Variants in GATAD2A observed in about 807,000 individuals in gnomAD.
GATAD2A encodes the protein GATA zinc finger domain containing 2A, also known as transcriptional repressor p66-alpha.
Under a neutral mutation model 68.5 loss-of-function variants are expected in GATAD2A, and 12 were observed. The ratio of observed to expected loss-of-function variants is 0.18; its 90% CI spans 0.11 to 0.28. GATAD2A has a LOEUF of 0.28. Among genes scored for constraint, GATAD2A ranks in the 10% least tolerant of loss-of-function variants. The pLI is 1.00. For missense variants in GATAD2A, 755 were observed against 868.5 expected (o/e 0.87, Z 1.64); for synonymous variants, 410 against 375.3 (o/e 1.09, Z -1.07).
chr19:19,408,571 T>C (rs960421047), intron 1 of GATAD2A, among the ~76,000 whole-genome samples: 1 of 152,214 alleles, frequency 6.6e-6, no homozygotes, highest in Non-Finnish European at 1.5e-5. Flanking sequence ...TTTTAAATAC[T>C]CTAATTTTCA....
At chr19:19,491,167 G>A (rs1319233610) in intron 2 of GATAD2A, among the ~76,000 whole-genome samples, 1 of 152,176 alleles carries the variant, frequency 6.6e-6, no homozygotes, top group African/African-American at 2.4e-5. Flanking sequence ...AGCCTGGCCT[G>A]CAGTTAGCAC....
Position 19,506,061 on chromosome 19 carries a change from C to T in GATAD2A, c.*587C>T, listed in dbSNP as rs537337214. The T allele has an allele frequency of 2.3e-5, 9 of 399,008 alleles. No homozygotes were observed. The highest frequency in any genetic ancestry group is 1.8e-4 in the Admixed American group (4 of 22,726). The allele number at this position is 399,008 out of a possible 1,614,324, so 24.7% of individuals were successfully genotyped here. ...GTCCCTGTTGTACGCTGCATCATCC[C>T]GCTGGCCCTGTGCCCTGGAGGGTGG... On this transcript the variant is annotated 3_prime_UTR_variant, in exon 12 of 12. Transcript: ENST00000683918.
Position 19,465,604 on chromosome 19 carries a change from A to G in GATAD2A, c.259A>G (p.Thr87Ala), listed in dbSNP as rs752291115. 1 of 1,608,414 alleles carries G rather than the reference A, an allele frequency of 6.2e-7. No individual in the cohort carries two copies. Among genetic ancestry groups the G allele is most frequent in the Non-Finnish European group, 8.5e-7 (1 of 1,177,600 alleles). Residue 87 changes from threonine (T) to alanine (A), a missense_variant, in exon 2 of 12, where the codon ACC becomes GCC. Thr to Ala is a moderately conservative substitution (Grantham distance 58). Coordinates refer to ENST00000683918, the MANE Select transcript of GATAD2A (RefSeq NM_001384528.1). ...LVGDGPVDMR[T>A]SHSDMKSERR... ...GGGCGATGGGCCCGTGGACATGCGCACCTCACACAGGTGAGTGGGAGGAGC... is the reference window on the plus strand; with the variant it reads ...GGGCGATGGGCCCGTGGACATGCGCGCCTCACACAGGTGAGTGGGAGGAGC...
At chr19:19,403,277 C>T (rs922137357), upstream of GATAD2A, among the ~76,000 whole-genome samples, 6 of 152,136 alleles carry the variant, frequency 3.9e-5, no homozygotes, top group Non-Finnish European at 5.9e-5. Context: ...GATCTTTAAT[C>T]CAAACAGCCT....
chr19:19,393,302 G>A (rs897129664), intron 1 of GATAD2A, among the ~76,000 whole-genome samples: 8 of 151,236 alleles, frequency 5.3e-5, no homozygotes, highest in Non-Finnish European at 8.8e-5. Flanking sequence ...GTGAGATTCC[G>A]TGTAAAAAAA....
At chr19:19,450,169 G>A (rs1031352236) in intron 1 of GATAD2A, among the ~76,000 whole-genome samples, 38 of 152,178 alleles carry the variant, frequency 2.5e-4, no homozygotes, top group African/African-American at 8.9e-4. Flanking sequence ...TGTCCTGGTC[G>A]TTGGTCAGAT....
At chr19:19,387,315 T>A (rs971753669) in intron 1 of GATAD2A, among the ~76,000 whole-genome samples, 13 of 151,276 alleles carry the variant, frequency 8.6e-5, no homozygotes, top group Middle Eastern at 3.4e-3. Flanking sequence ...TTTTCTGACT[T>A]GTCCCCCTTT....
chr19:19,490,514 G>A lies in GATAD2A; in HGVS notation c.270-1792G>A, dbSNP rs186341663. Among the ~76,000 whole-genome samples, 318 of 152,222 alleles carry A rather than the reference G, an allele frequency of 2.1e-3. 1 individual carries two copies. The highest frequency in any genetic ancestry group is 1.6e-3 in the Non-Finnish European group (108 of 68,020). On this transcript the variant is annotated intron_variant, in intron 2 of 11. Coordinates refer to ENST00000683918, the MANE Select transcript of GATAD2A (RefSeq NM_001384528.1). ...AAGAGCCAGGACAACTTTGAGCTGC[G>A]GCAACCAGTTAACTTTGTCCGAGTT... is the stretch of plus-strand genomic sequence containing the variant.
intron 2 of GATAD2A, among the ~76,000 whole-genome samples, chr19:19,477,689 C>A (rs1201506366): frequency 6.6e-6 from 1 of 152,164 alleles, no homozygotes; most frequent in Non-Finnish European, 1.5e-5. Flanking sequence ...TTGGGACCCC[C>A]CTCTGGAGAA....
chr19:19,449,777 G>A (rs2056172395), intron 1 of GATAD2A, among the ~76,000 whole-genome samples: 1 of 152,132 alleles, frequency 6.6e-6, no homozygotes, highest in African/African-American at 2.4e-5. Flanking sequence ...TCCTGAGCAA[G>A]AGAGTGAGAT....
In GATAD2A at chr19:19,502,395, C is replaced by T. The variant is rs769597782; in HGVS notation, c.1643C>T (p.Pro548Leu). 1.1e-5 allele frequency: 18 copies of T among 1,613,540 alleles called. No homozygotes were observed. The highest frequency in any genetic ancestry group is 1.6e-4 in the Middle Eastern group (1 of 6,084). ...CGAGGTGTCCTGCACACGTTCAGTCCGTCACCCAAACTGCAGAACTCAGCC... is the reference window on the plus strand; with the variant it reads ...CGAGGTGTCCTGCACACGTTCAGTCTGTCACCCAAACTGCAGAACTCAGCC... ...TPRGVLHTFS[P>L]SPKLQNSASA... Residue 548 changes from proline to leucine, a missense_variant, in exon 11 of 12, where the codon CCG (proline) becomes CTG (leucine). Physicochemically the swap from Pro to Leu is moderately conservative, Grantham distance 98. Transcript: ENST00000683918.
intron 1 of GATAD2A, chr19:19,428,073 A>G (rs1272450519): frequency 2.0e-5 from 3 of 151,968 alleles, no homozygotes; most frequent in African/African-American, 7.3e-5. Flanking sequence ...TTTTATTTTT[A>G]TTTCGAGACC....
At chr19:19,439,344 G>T (rs1050650269) in intron 1 of GATAD2A, among the ~76,000 whole-genome samples, 7 of 152,170 alleles carry the variant, frequency 4.6e-5, no homozygotes, top group African/African-American at 1.7e-4. Flanking sequence ...TTGCATCACA[G>T]GACAGGTAAT....
intron 1 of GATAD2A, among the ~76,000 whole-genome samples, chr19:19,388,812 A>G (rs2048641766): frequency 6.6e-6 from 1 of 152,052 alleles, no homozygotes; most frequent in Non-Finnish European, 1.5e-5. Flanking sequence ...AAAAAGGAAA[A>G]GAAAACTCTC....
intron 1 of GATAD2A, among the ~76,000 whole-genome samples, chr19:19,407,412 A>G (rs1054179637): frequency 6.6e-6 from 1 of 152,176 alleles, no homozygotes; most frequent in South Asian, 2.1e-4. Flanking sequence ...GCCTATAACA[A>G]TCCCGTGGGG....
At chr19:19,460,173 G>C (rs2057300974) in intron 1 of GATAD2A, among the ~76,000 whole-genome samples, 1 of 152,198 alleles carries the variant, frequency 6.6e-6, no homozygotes, top group Admixed American at 6.5e-5. Flanking sequence ...CTTAGGAAGT[G>C]GGAGAGCCAC....
At chr19:19,492,468 G>A in intron 3 of GATAD2A, 30 bp downstream of exon 3, 2 of 1,613,612 alleles carry the variant, frequency 1.2e-6, no homozygotes, top group Admixed American at 1.7e-5. Flanking sequence ...TGCCGCCGGA[G>A]CCCCACTGTG....
At chr19:19,409,278 C>T (rs1319523132) in intron 1 of GATAD2A, among the ~76,000 whole-genome samples, 2 of 152,040 alleles carry the variant, frequency 1.3e-5, no homozygotes, top group African/African-American at 4.8e-5. Flanking sequence ...AGACCTTTCC[C>T]CCCCATAATT....
intron 1 of GATAD2A, among the ~76,000 whole-genome samples, chr19:19,449,846 A>C (rs1031299829): frequency 6.6e-6 from 1 of 152,252 alleles, no homozygotes; most frequent in Non-Finnish European, 1.5e-5. Flanking sequence ...ATCATTTACA[A>C]GTCCTCTACC....
Sources: gnomAD v4.1 joint callset for allele counts (sites outside exome capture counted in the v4.1 genomes callset) on GRCh38, gnomAD v4.1.1 for gene constraint, MANE v1.5 for transcripts, NCBI Gene and HGNC (gene_info 2026-07-23, HGNC 2026-07-21) for gene names.